The following CAMKMT variants were observed in gnomAD, a reference collection of about 807,000 sequenced individuals.
CAMKMT encodes CaM KMT.
Under a neutral mutation model 48.0 loss-of-function variants are expected in CAMKMT, and 53 were observed. The ratio of observed to expected loss-of-function variants is 1.10; its 90% CI spans 0.89 to 1.39. CAMKMT has a LOEUF of 1.39. Ranked by LOEUF, CAMKMT falls within the 40% of genes most tolerant of loss-of-function variation. The pLI, the probability that CAMKMT is intolerant of heterozygous loss-of-function variation, is 0.00. For missense variants in CAMKMT, 428 were observed against 402.7 expected, an observed-to-expected ratio of 1.06 and a Z score of -0.54; for synonymous variants, 165 against 152.3, an observed-to-expected ratio of 1.08 and a Z score of -0.61.
intron 3 of CAMKMT, among the ~76,000 whole-genome samples, chr2:44,436,506 G>A (rs1248001123): frequency 6.6e-6 from 1 of 152,058 alleles, no homozygotes; most frequent in Non-Finnish European, 1.5e-5. Context: ...TCTGTAAAAG[G>A]TCAGATAGTA....
intron 7 of CAMKMT, among the ~76,000 whole-genome samples, chr2:44,733,481 T>C (rs1679190493): frequency 1.3e-5 from 2 of 152,170 alleles, no homozygotes; most frequent in African/African-American, 2.4e-5. Context: ...CAGTGCAGTG[T>C]TGAAGAATGA....
At chr2:44,510,206 G>A (rs1670470434) in intron 3 of CAMKMT, among the ~76,000 whole-genome samples, 1 of 152,082 alleles carries the variant, frequency 6.6e-6, no homozygotes, top group South Asian at 2.1e-4. Flanking sequence ...ACTGCATTTA[G>A]CTGTCATTTT....
At chr2:44,625,238 T>G (rs1672412755) in intron 3 of CAMKMT, among the ~76,000 whole-genome samples, 1 of 152,210 alleles carries the variant, frequency 6.6e-6, no homozygotes, top group Non-Finnish European at 1.5e-5. Context: ...TGCATTCCCC[T>G]AATGATTGCT....
rs1420116122 is a variant in CAMKMT, at chr2:44,556,653, T to G, written c.377-147630T>G. On this transcript the variant is annotated intron_variant, in intron 3 of 10. Coordinates refer to ENST00000378494, the MANE Select transcript of CAMKMT (RefSeq NM_024766.5). ...CCCGGCTAATTTTTTGTATTTTTAG[T>G]AGAGACGGGGTTTCACCTTGTTAGC... Among the ~76,000 whole-genome samples, 2 of 62,124 alleles carry G rather than the reference T, an allele frequency of 3.2e-5. 1 individual carries two copies. The highest frequency in any genetic ancestry group is 1.3e-4 in the African/African-American group (2 of 15,622). The allele number at this position is 62,124 out of a possible 152,430, so 40.8% of individuals were successfully genotyped here.
intron 3 of CAMKMT, among the ~76,000 whole-genome samples, chr2:44,563,486 C>T (rs1161101606): frequency 1.3e-5 from 2 of 151,142 alleles, no homozygotes; most frequent in African/African-American, 4.8e-5. Context: ...TATTATTATC[C>T]CCCATACTTT....
chr2:44,507,027 A>C lies in CAMKMT; in HGVS notation c.376+116722A>C, dbSNP rs914298504. Among the ~76,000 whole-genome samples the C allele has an allele frequency of 7.9e-5, 12 of 152,084 alleles. 1 individual carries two copies. On this transcript the variant is annotated intron_variant, in intron 3 of 10. Coordinates refer to ENST00000378494, the MANE Select transcript of CAMKMT (RefSeq NM_024766.5). ...TGCCTACAAGAAAATTCTTATCTTC[A>C]ATATTATTTACCTGTTCATTTTGGA...
At chr2:44,626,452 A>G (rs950274969) in intron 3 of CAMKMT, among the ~76,000 whole-genome samples, 19 of 152,186 alleles carry the variant, frequency 1.2e-4, no homozygotes, top group Non-Finnish European at 1.9e-4. Flanking sequence ...TATTTTATGT[A>G]TAACAGTGAT....
chr2:44,440,119 G>T (rs943635368), intron 3 of CAMKMT, among the ~76,000 whole-genome samples: 1 of 152,080 alleles, frequency 6.6e-6, no homozygotes, highest in Non-Finnish European at 1.5e-5. Context: ...TTTATTTGTT[G>T]TTGTTTGTGT....
chr2:44,674,157 A>G (rs937792762), intron 3 of CAMKMT, among the ~76,000 whole-genome samples: 1 of 152,234 alleles, frequency 6.6e-6, no homozygotes, highest in African/African-American at 2.4e-5. Flanking sequence ...AGGATACCTC[A>G]TTACTTCATC....
Position 44,712,544 on chromosome 2 carries a change from AG to A in CAMKMT, c.557-2742del, listed in dbSNP as rs1677938994. ...CCTCTGAACGGGGCTTTATTTGAGA[AG>A]AAAACCTAGAGTTAGAATTCCGGTT... is the stretch of plus-strand genomic sequence containing the variant. On this transcript the variant is annotated intron_variant, in intron 6 of 10. Transcript: ENST00000378494. Among the ~76,000 whole-genome samples the A allele has an allele frequency of 1.3e-5, 2 of 152,202 alleles. 1 individual carries two copies. Among genetic ancestry groups the A allele is most frequent in the East Asian group, 3.8e-4 (2 of 5,206 alleles).
chr2:44,398,204 A>C (rs1244852052), intron 3 of CAMKMT, among the ~76,000 whole-genome samples: 1 of 152,216 alleles, frequency 6.6e-6, no homozygotes, highest in Non-Finnish European at 1.5e-5. Context: ...TTAAAGATTT[A>C]GTAGGTGGTG....
chr2:44,596,661 ATC>A (rs1280804637), intron 3 of CAMKMT, among the ~76,000 whole-genome samples: 1 of 152,108 alleles, frequency 6.6e-6, no homozygotes, highest in African/African-American at 2.4e-5. Flanking sequence ...AGGCAGTGGC[ATC>A]TCTCAAGAGA....
chr2:44,525,793 G>T (rs904298180), intron 3 of CAMKMT, among the ~76,000 whole-genome samples: 1 of 152,032 alleles, frequency 6.6e-6, no homozygotes, highest in Non-Finnish European at 1.5e-5. Context: ...TTCAAATCTG[G>T]ATCTATCAGA....
chr2:44,365,261 G>A (rs971032435), intron 1 of CAMKMT, among the ~76,000 whole-genome samples: 1 of 152,002 alleles, frequency 6.6e-6, no homozygotes, highest in African/African-American at 2.4e-5. Flanking sequence ...GAGCTCCAAG[G>A]CTGTCTCATG....
intron 7 of CAMKMT, among the ~76,000 whole-genome samples, chr2:44,722,022 G>A (rs892117415): frequency 1.9e-4 from 29 of 152,102 alleles, no homozygotes; most frequent in African/African-American, 6.8e-4. Context: ...TTCACATCTG[G>A]AATCTATTGC....
At chr2:44,531,865 G>C in intron 3 of CAMKMT, among the ~76,000 whole-genome samples, 1 of 152,022 alleles carries the variant, frequency 6.6e-6, no homozygotes, top group East Asian at 1.9e-4. Flanking sequence ...TGCATGTTTT[G>C]TCTTATCACA....
At chr2:44,631,303 C>T (rs1299269886) in intron 3 of CAMKMT, among the ~76,000 whole-genome samples, 3 of 151,892 alleles carry the variant, frequency 2.0e-5, no homozygotes, top group Non-Finnish European at 2.9e-5. Context: ...TGCTAGATGA[C>T]GAGTTAGTGG....
At chr2:44,556,857 C>T (rs923349307) in intron 3 of CAMKMT, among the ~76,000 whole-genome samples, 3 of 151,788 alleles carry the variant, frequency 2.0e-5, no homozygotes, top group Non-Finnish European at 2.9e-5. Flanking sequence ...GCAGGAGGAT[C>T]CCTTGAACCC....
chr2:44,713,115 T>C (rs1208835728), intron 6 of CAMKMT, among the ~76,000 whole-genome samples: 1 of 152,210 alleles, frequency 6.6e-6, no homozygotes, highest in Non-Finnish European at 1.5e-5. Context: ...ATATGTTTGC[T>C]TCAGCCTGAC....
Sources: gnomAD v4.1 joint callset for allele counts (sites outside exome capture counted in the v4.1 genomes callset) on GRCh38, gnomAD v4.1.1 for gene constraint, MANE v1.5 for transcripts, NCBI Gene and HGNC (gene_info 2026-07-23, HGNC 2026-07-21) for gene names.